Variants in EZH2 observed in about 807,000 individuals in gnomAD.
EZH2 encodes enhancer of zeste 2 polycomb repressive complex 2 subunit.
Under a neutral mutation model 98.4 loss-of-function variants are expected in EZH2, and 18 were observed. The observed-to-expected ratio is 0.18, with a 90% CI of 0.13 to 0.27. The LOEUF (loss-of-function observed/expected upper bound fraction) is 0.27. EZH2 is among the 10% of genes least tolerant of loss of function. The pLI, the probability that EZH2 is intolerant of heterozygous loss-of-function variation, is 1.00. For missense variants in EZH2, 470 were observed against 935.1 expected, an observed-to-expected ratio of 0.50 and a Z score of 6.49; for synonymous variants, 338 against 312.3, an observed-to-expected ratio of 1.08 and a Z score of -0.87.
At chr7:148,859,660 G>C (rs1040635831) in intron 1 of EZH2, among the ~76,000 whole-genome samples, 1 of 152,202 alleles carries the variant, frequency 6.6e-6, no homozygotes, top group Non-Finnish European at 1.5e-5. Flanking sequence ...AGCCCCAGCT[G>C]TGTGGCAAAG....
chr7:148,865,524 C>G (rs1435198865), intron 1 of EZH2, among the ~76,000 whole-genome samples: 2 of 152,156 alleles, frequency 1.3e-5, no homozygotes, highest in African/African-American at 4.8e-5. Context: ...TATTTAGCCA[C>G]TCAGGAGTGA....
intron 8 of EZH2, among the ~76,000 whole-genome samples, chr7:148,820,767 A>T (rs1017685663): frequency 6.6e-6 from 1 of 152,188 alleles, no homozygotes; most frequent in Non-Finnish European, 1.5e-5. Context: ...AAAATACATA[A>T]TTTAAAATAC....
At chr7:148,867,510 A>G (rs1229016025) in intron 1 of EZH2, among the ~76,000 whole-genome samples, 1 of 152,202 alleles carries the variant, frequency 6.6e-6, no homozygotes, top group Non-Finnish European at 1.5e-5. Flanking sequence ...TGGAAATGAT[A>G]CAAAGACATG....
At chr7:148,843,583 GTTTTTTTTTTTTTT>G (rs1157236882) in intron 3 of EZH2, among the ~76,000 whole-genome samples, 10 of 64,310 alleles carry the variant, frequency 1.6e-4, no homozygotes, top group Admixed American at 2.6e-4. Flanking sequence ...GGGAGTATAA[GTTTTTTTTTTTTTT>G]TTTTTTTTTT....
chr7:148,855,708 C>T (rs994217928), intron 1 of EZH2, among the ~76,000 whole-genome samples: 1 of 151,632 alleles, frequency 6.6e-6, no homozygotes, highest in Admixed American at 6.6e-5. Context: ...GACCAGCCTG[C>T]CCAACATGGT....
At chr7:148,844,693 G>A (rs565058747) in intron 3 of EZH2, among the ~76,000 whole-genome samples, 317 of 152,092 alleles carry the variant, frequency 2.1e-3, no homozygotes, top group African/African-American at 7.3e-3. Context: ...ATAAACTCAC[G>A]AACATTAGGT....
rs58553084 is a variant in EZH2 at position 148,873,557 on chromosome 7, ATTTTTTTT to A, written c.-8+10599_-8+10606del. Among the ~76,000 whole-genome samples, 373 of 79,950 alleles carry A rather than the reference ATTTTTTTT, an allele frequency of 4.7e-3. 3 individuals carry two copies. Among genetic ancestry groups the A allele is most frequent in the African/African-American group, 0.017 (340 of 19,986 alleles). The allele number at this position is 79,950 out of a possible 152,430, so 52.5% of individuals were successfully genotyped here. A position where few individuals can be genotyped will look rare whatever the true frequency, so the allele number is the denominator to read the frequency against. On this transcript the variant is annotated intron_variant, in intron 1 of 19. Coordinates refer to ENST00000320356, the MANE Select transcript of EZH2 (RefSeq NM_004456.5). ...TTTGCAGAATCATTTCATGCTCTTC[ATTTTTTTT>A]TTTTTTTTTTTTTTTTGCCTCAGAG...
chr7:148,813,891 C>G (rs1803854218), intron 15 of EZH2, 68 bp downstream of exon 15: 1 of 1,497,932 alleles, frequency 6.7e-7, no homozygotes, highest in Non-Finnish European at 9.1e-7. Flanking sequence ...TCATCTAAGG[C>G]AATCCTGACA....
chr7:148,841,424 G>C (rs1180893000), intron 3 of EZH2, among the ~76,000 whole-genome samples: 3 of 152,124 alleles, frequency 2.0e-5, no homozygotes, highest in Admixed American at 6.5e-5. Context: ...AAGAGGCAAG[G>C]AGCTACAGAA....
intron 15 of EZH2, among the ~76,000 whole-genome samples, chr7:148,811,983 C>T (rs542842134): frequency 2.0e-5 from 3 of 152,202 alleles, no homozygotes; most frequent in Non-Finnish European, 2.9e-5. Flanking sequence ...CAATGACCAT[C>T]GTTCAGCAAG....
intron 1 of EZH2, among the ~76,000 whole-genome samples, chr7:148,864,709 GAAA>G (rs1241216422): frequency 6.9e-6 from 1 of 145,004 alleles, no homozygotes; most frequent in Non-Finnish European, 1.5e-5. Context: ...AGGAAAAAAA[GAAA>G]AAAAAAGTTT....
intron 15 of EZH2, among the ~76,000 whole-genome samples, chr7:148,812,281 C>T (rs1015356786): frequency 3.9e-5 from 6 of 152,100 alleles, no homozygotes; most frequent in Non-Finnish European, 5.9e-5. Flanking sequence ...AAGAAACTAC[C>T]GGGAGGTGTT....
Position 148,816,773 on chromosome 7 carries a change from A to G in EZH2, c.1416T>C (p.Tyr472=), listed in dbSNP as rs369851191. Residue 472 remains tyrosine, a synonymous_variant, in exon 12 of 20, where the codon TAT becomes TAC. Transcript: ENST00000320356. ...LIGTKTCRQV[Y]EFRVKESSII... ...TGCTAGATTCTTTGACTCTAAACTC[A>G]TACACCTGACAAGAGGCACAGTCAC... 96 of 1,613,194 alleles carry G rather than the reference A, an allele frequency of 6.0e-5. 1 individual carries two copies. Among genetic ancestry groups the G allele is most frequent in the Non-Finnish European group, 5.0e-5 (59 of 1,179,288 alleles).
intron 1 of EZH2, among the ~76,000 whole-genome samples, chr7:148,870,494 G>A (rs965841594): frequency 6.6e-6 from 1 of 152,014 alleles, no homozygotes; most frequent in East Asian, 1.9e-4. Context: ...TTGATCCTAG[G>A]AGTTCTAGAC....
intron 8 of EZH2, among the ~76,000 whole-genome samples, 169 bp downstream of exon 8, chr7:148,826,285 T>G (rs1173902761): frequency 6.6e-6 from 1 of 151,888 alleles, no homozygotes; most frequent in Non-Finnish European, 1.5e-5. Context: ...GCAAAAGATT[T>G]CAGAGCAATC....
chr7:148,875,028 G>GA (rs1819988830), intron 1 of EZH2, among the ~76,000 whole-genome samples: 1 of 151,788 alleles, frequency 6.6e-6, no homozygotes. Context: ...ATCCTTTGAA[G>GA]AAAAAATTTA....
intron 8 of EZH2, among the ~76,000 whole-genome samples, chr7:148,824,552 T>G (rs752964817): frequency 1.3e-5 from 2 of 152,206 alleles, no homozygotes; most frequent in Non-Finnish European, 2.9e-5. Flanking sequence ...AGGTGTGTCA[T>G]GCGCTGTACC....
At chr7:148,826,338 T>C in intron 8 of EZH2, 116 bp downstream of exon 8, 1 of 772,666 alleles carries the variant, frequency 1.3e-6, no homozygotes, top group Non-Finnish European at 1.8e-6. Flanking sequence ...GATCTAAAGA[T>C]ATTTGTCAAA....
intron 13 of EZH2, 65 bp from the exon 14 acceptor site, chr7:148,815,104 A>T: frequency 6.4e-7 from 1 of 1,569,758 alleles, no homozygotes; most frequent in African/African-American, 1.4e-5. Context: ...ATACACAATT[A>T]ACACGAGTAC....
Sources: gnomAD v4.1 joint callset for allele counts (sites outside exome capture counted in the v4.1 genomes callset) on GRCh38, gnomAD v4.1.1 for gene constraint, MANE v1.5 for transcripts, NCBI Gene and HGNC (gene_info 2026-07-23, HGNC 2026-07-21) for gene names.